Variants in ATOSA observed in about 807,000 individuals in gnomAD.
ATOSA encodes atos homolog protein A.
chr15:52,636,080 T>A, the ATOSA span, among the ~76,000 whole-genome samples: 1 of 143,340 alleles, frequency 7.0e-6, no homozygotes, highest in Non-Finnish European at 1.5e-5. Flanking sequence ...AAATATTAAA[T>A]TAAAATAATA....
the ATOSA span, among the ~76,000 whole-genome samples, chr15:52,637,950 G>A: frequency 6.6e-6 from 1 of 152,094 alleles, no homozygotes; most frequent in East Asian, 1.9e-4. Context: ...CTTCTTTCCA[G>A]TCTTTATGTT....
the ATOSA span, chr15:52,610,229 T>C: frequency 8.1e-6 from 13 of 1,614,010 alleles, no homozygotes; most frequent in Non-Finnish European, 1.0e-5. Flanking sequence ...TTAGTGTGAA[T>C]ACTGCACGTC....
the ATOSA span, among the ~76,000 whole-genome samples, chr15:52,684,583 CTA>C: frequency 6.6e-6 from 1 of 152,140 alleles, no homozygotes; most frequent in South Asian, 2.1e-4. Flanking sequence ...ATTTTTAAAA[CTA>C]AGTATGTTTG....
the ATOSA span, among the ~76,000 whole-genome samples, chr15:52,589,915 G>C: frequency 1.3e-5 from 2 of 151,826 alleles, no homozygotes; most frequent in Non-Finnish European, 2.9e-5. Flanking sequence ...AGCCTCCCGA[G>C]TAGCTGGGAT....
At chr15:52,582,353 T>C in the ATOSA span, 1 of 1,449,792 alleles carries the variant, frequency 6.9e-7, no homozygotes, top group Admixed American at 3.0e-5. Context: ...AACGAGTCTT[T>C]AAAAGAAACT....
chr15:52,593,698 A>G, the ATOSA span: 1 of 1,557,598 alleles, frequency 6.4e-7, no homozygotes. Context: ...AACCATCAAC[A>G]ATGCCGAGAG....
chr15:52,650,111 TCATAAGAGTTA>T, the ATOSA span, among the ~76,000 whole-genome samples: 1 of 152,224 alleles, frequency 6.6e-6, no homozygotes, highest in Non-Finnish European at 1.5e-5. Context: ...AATTAGTAAT[TCATAAGAGTTA>T]CAGCTAAAAA....
chr15:52,680,435 GA>G, the ATOSA span, among the ~76,000 whole-genome samples: 1 of 152,038 alleles, frequency 6.6e-6, no homozygotes, highest in Admixed American at 6.5e-5. Context: ...AGTCTAAGGG[GA>G]TTTTTTTTAT....
chr15:52,639,139 T>C, the ATOSA span, among the ~76,000 whole-genome samples: 1 of 151,752 alleles, frequency 6.6e-6, no homozygotes, highest in Non-Finnish European at 1.5e-5. Flanking sequence ...TTACCTTTTA[T>C]ATTAAGTATT....
chr15:52,691,746 G>A, the ATOSA span, among the ~76,000 whole-genome samples: 1 of 152,048 alleles, frequency 6.6e-6, no homozygotes, highest in East Asian at 1.9e-4. Context: ...GAGGTGGGAG[G>A]ATCACTTGAG....
At chr15:52,589,946 C>T in the ATOSA span, among the ~76,000 whole-genome samples, 1 of 151,956 alleles carries the variant, frequency 6.6e-6, no homozygotes, top group Admixed American at 6.6e-5. Flanking sequence ...CACCATCACG[C>T]CCAGCTAATT....
the ATOSA span, among the ~76,000 whole-genome samples, chr15:52,655,485 A>T: frequency 2.0e-5 from 3 of 152,156 alleles, no homozygotes; most frequent in Non-Finnish European, 1.5e-5. Context: ...AAGTGAAAGG[A>T]GGTCGAAAAG....
the ATOSA span, among the ~76,000 whole-genome samples, chr15:52,660,139 C>G: frequency 6.6e-6 from 1 of 152,170 alleles, no homozygotes; most frequent in Non-Finnish European, 1.5e-5. Context: ...TTAGAACTTA[C>G]ATAGTAGTTG....
At chr15:52,707,594 C>T in the ATOSA span, among the ~76,000 whole-genome samples, 4 of 152,060 alleles carry the variant, frequency 2.6e-5, no homozygotes, top group Admixed American at 1.3e-4. Flanking sequence ...TATTACTGTT[C>T]GGACAAGTGA....
chr15:52,583,082 AGACTGGCTCT>A, the ATOSA span, among the ~76,000 whole-genome samples: 69 of 152,350 alleles, frequency 4.5e-4, no homozygotes, highest in Non-Finnish European at 8.8e-5. Context: ...ATGTTAAAAC[AGACTGGCTCT>A]GACTGGCTCA....
At chr15:52,599,184 C>T in the ATOSA span, among the ~76,000 whole-genome samples, 3 of 152,278 alleles carry the variant, frequency 2.0e-5, no homozygotes, top group African/African-American at 7.2e-5. Context: ...CTCTTTTTCA[C>T]TTATACATTT....
chr15:52,600,313 C>A, the ATOSA span: 3 of 846,998 alleles, frequency 3.5e-6, no homozygotes, highest in Non-Finnish European at 5.6e-6. Context: ...GGGTCTCACT[C>A]TGTCACCCAG....
At chr15:52,630,811 T>C in the ATOSA span, among the ~76,000 whole-genome samples, 1 of 152,232 alleles carries the variant, frequency 6.6e-6, no homozygotes, top group African/African-American at 2.4e-5. Flanking sequence ...AATGCTGTGA[T>C]ACACTCATAT....
the ATOSA span, among the ~76,000 whole-genome samples, chr15:52,588,377 C>G: frequency 6.6e-6 from 1 of 152,052 alleles, no homozygotes; most frequent in Non-Finnish European, 1.5e-5. Flanking sequence ...TCTCAATAAC[C>G]AGGATGATCA....
Sources: gnomAD v4.1 joint callset for allele counts (sites outside exome capture counted in the v4.1 genomes callset) on GRCh38, gnomAD v4.1.1 for gene constraint, MANE v1.5 for transcripts, NCBI Gene and HGNC (gene_info 2026-07-23, HGNC 2026-07-21) for gene names.